NEIL3: variants seen among roughly 807,000 people sequenced by gnomAD.
NEIL3 encodes endonuclease 8-like 3.
Under a neutral mutation model 57.5 loss-of-function variants are expected in NEIL3, and 48 were observed. That is an observed-to-expected ratio of 0.83 (90% CI 0.66 to 1.06). The LOEUF (loss-of-function observed/expected upper bound fraction) is 1.06. NEIL3 is among the 50% of genes least tolerant of loss of function. The pLI is 0.00. For synonymous variants in NEIL3, 261 were observed against 253.2 expected (o/e 1.03, Z -0.29); for missense variants, 717 against 739.1 (o/e 0.97, Z 0.35).
chr4:177,340,389 G>A (rs997845312), intron 5 of NEIL3, among the ~76,000 whole-genome samples: 2 of 152,140 alleles, frequency 1.3e-5, no homozygotes, highest in Admixed American at 6.5e-5. Context: ...AATGTGGAAA[G>A]TTATATACTA....
chr4:177,351,598 A>G, intron 7 of NEIL3, 49 bp downstream of exon 7: 1 of 1,400,266 alleles, frequency 7.1e-7, no homozygotes, highest in South Asian at 1.2e-5. Flanking sequence ...AAGAGGGTTA[A>G]TTATACAAAG....
At chr4:177,358,713 C>T (rs565959170) in intron 8 of NEIL3, among the ~76,000 whole-genome samples, 1 of 152,230 alleles carries the variant, frequency 6.6e-6, no homozygotes, top group Admixed American at 6.5e-5. Flanking sequence ...TTAATCCTAC[C>T]TTCTACCTTG....
intron 2 of NEIL3, among the ~76,000 whole-genome samples, chr4:177,329,709 C>T (rs534792793): frequency 2.6e-5 from 4 of 152,290 alleles, no homozygotes; most frequent in Middle Eastern, 6.8e-3. Context: ...ACACTATCAA[C>T]CACCTTGACC....
intron 1 of NEIL3, among the ~76,000 whole-genome samples, chr4:177,312,182 C>T (rs555577262): frequency 6.6e-6 from 1 of 152,208 alleles, no homozygotes; most frequent in African/African-American, 2.4e-5. Context: ...AAAGGATTAA[C>T]CTGATTCTAC....
At chr4:177,336,450 C>G (rs928101122) in intron 4 of NEIL3, 129 bp downstream of exon 4, 1 of 707,560 alleles carries the variant, frequency 1.4e-6, no homozygotes, top group African/African-American at 1.8e-5. Flanking sequence ...CTTCCCATTT[C>G]TACCCAGGTC....
chr4:177,323,659 TAGAC>T (rs756940724), intron 2 of NEIL3, among the ~76,000 whole-genome samples: 4 of 152,190 alleles, frequency 2.6e-5, no homozygotes, highest in Non-Finnish European at 5.9e-5. Context: ...GCTGCTGTAG[TAGAC>T]TGATGTGATG....
At chr4:177,350,940 G>A (rs1245151941) in intron 6 of NEIL3, among the ~76,000 whole-genome samples, 2 of 151,938 alleles carry the variant, frequency 1.3e-5, no homozygotes, top group Admixed American at 1.3e-4. Flanking sequence ...CAGGTGCAGT[G>A]GCTCATGCCT....
intron 4 of NEIL3, among the ~76,000 whole-genome samples, chr4:177,337,262 C>G (rs1425443319): frequency 2.6e-5 from 4 of 152,140 alleles, no homozygotes; most frequent in Non-Finnish European, 5.9e-5. Context: ...TTATCAAGAC[C>G]TGTTGCCACT....
At chr4:177,366,880 C>T (rs1371971553), downstream of NEIL3, among the ~76,000 whole-genome samples, 1 of 152,122 alleles carries the variant, frequency 6.6e-6, no homozygotes, top group African/African-American at 2.4e-5. Flanking sequence ...TTGTATTGAT[C>T]TGTCTTCAAG....
Position 177,362,432 on chromosome 4 carries a change from AGAAAATGGGCCAG to A in NEIL3, c.1783_1795del (p.Asn595Ter). 6.2e-7 allele frequency: 1 copy of A among 1,613,366 alleles called. No homozygotes were observed. Among genetic ancestry groups the A allele is most frequent in the East Asian group, 2.2e-5 (1 of 44,850 alleles). ...AACAATGCAATTTTTTCCAGTGGGCAGAAAATGGGCCAGGAATAAAAATTATTCCTGGATGCTA... is the reference window on the plus strand; with the variant it reads ...AACAATGCAATTTTTTCCAGTGGGCAGAATAAAAATTATTCCTGGATGCTA... On this transcript the variant is annotated frameshift_variant, in exon 10 of 10. Transcript: ENST00000264596. LOFTEE classifies it high-confidence loss of function.
intron 2 of NEIL3, 122 bp from the exon 3 acceptor site, chr4:177,335,564 TAA>T (rs1268990542): frequency 4.0e-6 from 3 of 744,844 alleles, no homozygotes; most frequent in African/African-American, 1.8e-5. Context: ...TTCTGCCCTT[TAA>T]AAGTGTCTAT....
rs754521126 is a variant in NEIL3, at chr4:177,336,217, C to T, written c.523C>T (p.Arg175Trp). Residue 175 changes from arginine to tryptophan, a missense_variant, in exon 4 of 10, where the codon CGG becomes TGG. Arg to Trp is a moderately radical substitution (Grantham distance 101). Transcript: ENST00000264596. ...AAGTGAAGTTAAAAAACAGAAAGGC[C>T]GGATGCTAGGTGATGTGCTAATGGA... ...AESEVKKQKGRMLGDVLMDQN... is the reference protein window; with the variant it reads ...AESEVKKQKGWMLGDVLMDQN... 4.3e-6 allele frequency: 7 copies of T among 1,613,874 alleles called. No homozygotes were observed. Among genetic ancestry groups the T allele is most frequent in the African/African-American group, 2.7e-5 (2 of 74,894 alleles).
chr4:177,317,560 A>G (rs998387744), intron 1 of NEIL3, among the ~76,000 whole-genome samples: 24 of 147,786 alleles, frequency 1.6e-4, no homozygotes, highest in African/African-American at 5.5e-4. Flanking sequence ...GTTTTGCTAA[A>G]TGGCCACATC....
Position 177,336,127 on chromosome 4 carries a change from C to A in NEIL3, c.433C>A (p.Gln145Lys). 1 of 1,611,562 alleles carries A rather than the reference C, an allele frequency of 6.2e-7. No individual in the cohort carries two copies. The part of the protein sequence containing the change: ...VELRNSMESQ[Q>K]RIRMMKELDV... Reference sequence around the variant, plus strand: ...CTATAGAAACTCAATGGAAAGCCAACAGAGAATAAGAATGATGAAAGAATT... The same window carrying A: ...CTATAGAAACTCAATGGAAAGCCAAAAGAGAATAAGAATGATGAAAGAATT... Residue 145 changes from glutamine (Q) to lysine (K), a missense_variant, in exon 4 of 10, where the codon CAG becomes AAG. Transcript: ENST00000264596.
intron 6 of NEIL3, among the ~76,000 whole-genome samples, chr4:177,345,315 T>C (rs1735192161): frequency 6.6e-6 from 1 of 152,058 alleles, no homozygotes; most frequent in Admixed American, 6.6e-5. Context: ...CATGGGAAAG[T>C]ATACAGGGAG....
Position 177,331,268 on chromosome 4 carries a change from T to G in NEIL3, c.279-4420T>G, listed in dbSNP as rs548217082. Among the ~76,000 whole-genome samples the G allele has an allele frequency of 2.0e-5, 3 of 152,196 alleles. No homozygotes were observed. The East Asian group carries it at 5.8e-4, about 29-fold the overall frequency. ...TTCTCTTTCTTAGGTTTGGATAATT[T>G]CTATTAATCTATATTCAGGTTCACT... On this transcript the variant is annotated intron_variant, in intron 2 of 9. Coordinates refer to ENST00000264596, the MANE Select transcript of NEIL3 (RefSeq NM_018248.3).
At chr4:177,334,764 A>T (rs1049067464) in intron 2 of NEIL3, among the ~76,000 whole-genome samples, 3 of 152,212 alleles carry the variant, frequency 2.0e-5, no homozygotes, top group African/African-American at 7.2e-5. Context: ...CCGCAATTAG[A>T]AGCACAGAGC....
chr4:177,342,981 C>T (rs1189166962), intron 6 of NEIL3: 2 of 152,134 alleles, frequency 1.3e-5, no homozygotes, highest in Admixed American at 6.5e-5. Context: ...ACATGGAAAA[C>T]GAAGAGACTG....
At chr4:177,362,095 T>C (rs1008687121) in intron 9 of NEIL3, among the ~76,000 whole-genome samples, 194 bp from the exon 10 acceptor site, 2 of 152,140 alleles carry the variant, frequency 1.3e-5, no homozygotes, top group African/African-American at 4.8e-5. Context: ...TTCAAACAAA[T>C]TTGTAAGAGA....
Sources: gnomAD v4.1 joint callset for allele counts (sites outside exome capture counted in the v4.1 genomes callset) on GRCh38, gnomAD v4.1.1 for gene constraint, MANE v1.5 for transcripts, NCBI Gene and HGNC (gene_info 2026-07-23, HGNC 2026-07-21) for gene names.